The following RUBCN variants were observed in gnomAD, a reference collection of about 807,000 sequenced individuals.
The protein encoded by RUBCN is run domain Beclin-1-interacting and cysteine-rich domain-containing protein.
Under a neutral mutation model 113.2 loss-of-function variants are expected in RUBCN, and 74 were observed. The observed-to-expected ratio is 0.65, with a 90% confidence interval of 0.54 to 0.79. RUBCN has a LOEUF of 0.79. Ranked by LOEUF, RUBCN falls within the 30% of genes least tolerant of loss-of-function variation. The probability of loss-of-function intolerance (pLI) is 0.00; values close to 1 mark genes in which losing one functional copy is unlikely to be tolerated. For missense variants in RUBCN, 1,109 were observed against 1,251.7 expected (o/e 0.89, Z 1.72); for synonymous variants, 480 against 490.0 (o/e 0.98, Z 0.27).
intron 1 of RUBCN, among the ~76,000 whole-genome samples, chr3:197,723,055 T>C (rs1172701989): frequency 6.6e-6 from 1 of 152,192 alleles, no homozygotes; most frequent in East Asian, 1.9e-4. Context: ...GGCACTTGAT[T>C]TTCTCTAGTA....
chr3:197,711,224 T>C (rs1724930765), intron 2 of RUBCN, among the ~76,000 whole-genome samples: 2 of 152,222 alleles, frequency 1.3e-5, no homozygotes, highest in South Asian at 2.1e-4. Flanking sequence ...TAGGAATTTA[T>C]CCTACGGTAA....
intron 2 of RUBCN, among the ~76,000 whole-genome samples, chr3:197,705,884 C>G (rs576451892): frequency 6.6e-6 from 1 of 152,042 alleles, no homozygotes; most frequent in African/African-American, 2.4e-5. Flanking sequence ...CATGACATCA[C>G]GCCTGGCTAA....
intron 18 of RUBCN, chr3:197,676,530 C>T: frequency 1.1e-6 from 1 of 923,804 alleles, no homozygotes; most frequent in Non-Finnish European, 1.4e-6. Flanking sequence ...TCAGGCTGGT[C>T]TTGAACTCCT....
At chr3:197,702,231 C>T (rs988147215) in intron 5 of RUBCN, among the ~76,000 whole-genome samples, 2 of 152,224 alleles carry the variant, frequency 1.3e-5, no homozygotes, top group Non-Finnish European at 2.9e-5. Flanking sequence ...CTCTGTGCCT[C>T]AGCAGCCTCC....
chr3:197,705,278 T>G (rs1218734527), intron 2 of RUBCN, 103 bp from the exon 3 acceptor site: 2 of 1,015,198 alleles, frequency 2.0e-6, no homozygotes, highest in Non-Finnish European at 3.0e-6. Context: ...AACCTTCCCT[T>G]GCCTCATCAA....
Position 197,683,329 on chromosome 3 carries a change from G to A in RUBCN, c.1958C>T (p.Pro653Leu), listed in dbSNP as rs747087995. ...PAASELEWLVPEHDAPQKLLP... is the reference protein window; with the variant it reads ...PAASELEWLVLEHDAPQKLLP... ...TACCTTCTGAGGGGCATCATGCTCC[G>A]GGACAAGCCACTCCAGCTCCGAGGC... The change falls in exon 13 of 20, where the codon CCG (proline) becomes CTG (leucine). Residue 653 changes from proline to leucine, a missense_variant. By Grantham distance (98) the Pro-to-Leu change is moderately conservative. Coordinates refer to ENST00000296343, the MANE Select transcript of RUBCN (RefSeq NM_014687.4). This position sits in a 1 kb window ranked among gnomAD's most constrained non-coding sequence, Gnocchi z 4.6. 13 of 1,614,044 alleles carry A rather than the reference G, an allele frequency of 8.1e-6. No homozygotes were observed. Among genetic ancestry groups the A allele is most frequent in the African/African-American group, 4.0e-5 (3 of 74,916 alleles).
Position 197,697,606 on chromosome 3 carries a change from C to T in RUBCN, c.1262-557G>A, listed in dbSNP as rs1019000845. Among the ~76,000 whole-genome samples the T allele has an allele frequency of 1.9e-4, 29 of 152,268 alleles. 1 individual carries two copies. The highest frequency in any genetic ancestry group is 1.5e-3 in the Admixed American group (23 of 15,290). The stretch of plus-strand genomic sequence containing the variant: ...AAGGGCTCCGTTACGGGGCTCGGCC[C>T]GGCCTTACTGAAGAAGGGAGGGAGG... On this transcript the variant is annotated intron_variant, in intron 7 of 19. Transcript: ENST00000296343.
intron 8 of RUBCN, among the ~76,000 whole-genome samples, chr3:197,696,726 C>T (rs989060717): frequency 6.6e-6 from 1 of 152,134 alleles, no homozygotes; most frequent in Non-Finnish European, 1.5e-5. Flanking sequence ...GGTGCGAACA[C>T]CCAGCACGTA....
chr3:197,732,460 C>A (rs1294582261), intron 1 of RUBCN, among the ~76,000 whole-genome samples: 1 of 152,196 alleles, frequency 6.6e-6, no homozygotes, highest in Non-Finnish European at 1.5e-5. Context: ...ACTACAGGCG[C>A]CTGCCACCAC....
intron 1 of RUBCN, among the ~76,000 whole-genome samples, chr3:197,725,831 A>G (rs568140509): frequency 6.6e-6 from 1 of 152,206 alleles, no homozygotes; most frequent in South Asian, 2.1e-4. Flanking sequence ...ACCACCAACA[A>G]ACTCCTTAGC....
rs181790077 is a variant in RUBCN, at chr3:197,696,060, A to C, written c.1358-79T>G. The C allele has an allele frequency of 2.2e-6, 3 of 1,339,672 alleles. No homozygotes were observed. The Admixed American group carries it at 5.2e-5, about 23-fold the overall frequency. 83.0% of individuals were successfully genotyped at this position (1,339,672 alleles called of 1,614,324 possible). ...GCTTTTGTCATTAAAGATGCTCCCA[A>C]GTCTTCCCAGGTAACTGGGAATTAG... On this transcript the variant is annotated intron_variant, in intron 8 of 19. Transcript: ENST00000296343.
chr3:197,743,752 G>A lies in RUBCN; in HGVS notation c.-116+5517C>T, dbSNP rs555671068. ...TGTAATCCCAAAACTTTGGGAGGCC[G>A]AGGTGGGTGGATCACGAGGTCAGGA... is the stretch of plus-strand genomic sequence containing the variant. On this transcript the variant is annotated intron_variant, in intron 1 of 20. Coordinates refer to the RUBCN transcript ENST00000273582. 2.6e-4 allele frequency among the ~76,000 whole-genome samples: 39 copies of A among 152,276 alleles called. No individual in the cohort carries two copies. The South Asian group carries it at 6.4e-3, about 25-fold the overall frequency.
rs1018308556 is a variant in RUBCN, at chr3:197,694,699, C to T, written c.1474-114G>A. On this transcript the variant is annotated intron_variant, in intron 9 of 19. Transcript: ENST00000296343. ...AGGAACTGTTCCTGCCAAAAACACCCTGGAGAAATGGACATTTCTACTACG... is the reference window on the plus strand; with the variant it reads ...AGGAACTGTTCCTGCCAAAAACACCTTGGAGAAATGGACATTTCTACTACG... The T allele has an allele frequency of 6.6e-6, 6 of 903,036 alleles. No homozygotes were observed. The East Asian group carries it at 1.3e-4, about 19-fold the overall frequency. 55.9% of individuals were successfully genotyped at this position (903,036 alleles called of 1,614,324 possible).
In RUBCN at chr3:197,674,529, G is replaced by A. The variant is rs1188819094; in HGVS notation, c.*489C>T. ...GTCCTATTCTCTGCTGCTTCTCCTC[G>A]GGGCACAGTCTGACCCCAGTCCAGG... On this transcript the variant is annotated 3_prime_UTR_variant, in exon 20 of 20. Coordinates refer to ENST00000296343, the MANE Select transcript of RUBCN (RefSeq NM_014687.4). The A allele has an allele frequency of 3.9e-6, 2 of 516,006 alleles. No homozygotes were observed. Among genetic ancestry groups the A allele is most frequent in the Non-Finnish European group, 8.0e-6 (2 of 251,188 alleles). 32.0% of individuals were successfully genotyped at this position (516,006 alleles called of 1,614,324 possible). A position where few individuals can be genotyped will look rare whatever the true frequency, so the allele number is the denominator to read the frequency against.
chr3:197,715,116 C>T (rs1725370179), intron 2 of RUBCN, among the ~76,000 whole-genome samples: 1 of 151,282 alleles, frequency 6.6e-6, no homozygotes, highest in Admixed American at 6.6e-5. Flanking sequence ...ATGGAGAAAC[C>T]CTATCTCTAC....
chr3:197,678,442 T>A (rs1580147335), intron 16 of RUBCN, among the ~76,000 whole-genome samples: 1 of 146,898 alleles, frequency 6.8e-6, no homozygotes, highest in East Asian at 2.1e-4. Context: ...CTTCAGACTG[T>A]CCTATGCTCT....
intron 2 of RUBCN, among the ~76,000 whole-genome samples, chr3:197,708,405 G>C (rs774981094): frequency 1.3e-5 from 2 of 151,914 alleles, no homozygotes; most frequent in Non-Finnish European, 2.9e-5. Context: ...CAAGGTGCTG[G>C]GATTACAGGC....
rs781166733 is a variant in RUBCN at position 197,671,838 on chromosome 3, C to T, written c.*3180G>A. ...AAGTGGTTCGCTCGAGGTCTCATGG[C>T]AAGTTAGAGACACAGCCACTCCACC... On this transcript the variant is annotated 3_prime_UTR_variant, in exon 20 of 20. Coordinates refer to ENST00000296343, the MANE Select transcript of RUBCN (RefSeq NM_014687.4). 1 of 152,204 alleles carries T rather than the reference C, an allele frequency of 6.6e-6. No individual in the cohort carries two copies. Among genetic ancestry groups the T allele is most frequent in the Non-Finnish European group, 1.5e-5 (1 of 68,030 alleles). 9.4% of individuals were successfully genotyped at this position (152,204 alleles called of 1,614,324 possible). A position where few individuals can be genotyped will look rare whatever the true frequency, so the allele number is the denominator to read the frequency against.
At chr3:197,745,413 C>T (rs1437129116) in intron 1 of RUBCN, among the ~76,000 whole-genome samples, 2 of 151,294 alleles carry the variant, frequency 1.3e-5, no homozygotes, top group East Asian at 1.9e-4. Flanking sequence ...GTCGGGAGTT[C>T]GAGACCAGCC....
Sources: allele counts gnomAD v4.1 joint callset (sites outside exome capture counted in the v4.1 genomes callset), GRCh38; gene constraint gnomAD v4.1.1; non-coding constraint Gnocchi (gnomAD v3.1); transcripts MANE v1.5; gene names NCBI Gene and HGNC (gene_info 2026-07-23, HGNC 2026-07-21).